Variants in PRRC2C observed in about 807,000 individuals in gnomAD.
PRRC2C encodes the protein proline rich coiled-coil 2C, also known as protein PRRC2C.
In PRRC2C, 72 loss-of-function variants were observed where a neutral mutation model predicts 317.2. The ratio of observed to expected loss-of-function variants is 0.23; its 90% CI spans 0.19 to 0.28. The LOEUF (loss-of-function observed/expected upper bound fraction) is 0.28. PRRC2C is among the 10% of genes least tolerant of loss of function. The pLI is 1.00. For missense variants in PRRC2C, 3,074 were observed against 3,459.7 expected, an observed-to-expected ratio of 0.89 and a Z score of 2.80; for synonymous variants, 1,296 against 1,205.9, an observed-to-expected ratio of 1.07 and a Z score of -1.55.
intron 33 of PRRC2C, 55 bp from the exon 34 acceptor site, chr1:171,589,314 T>TG (rs1284063086): frequency 1.4e-5 from 10 of 697,470 alleles, no homozygotes; most frequent in African/African-American, 1.9e-5. Context: ...GGCAGTTTTT[T>TG]TTTTTTTTTT....
In PRRC2C at chr1:171,559,374, C is replaced by T. The variant is rs1410629374; in HGVS notation, c.6031+1231C>T. Among the ~76,000 whole-genome samples the T allele has an allele frequency of 2.6e-5, 4 of 152,060 alleles. No homozygotes were observed. The East Asian group carries it at 7.7e-4, about 29-fold the overall frequency. ...TGTATCTGATGACTTGAAGCTGAAG[C>T]CCCTGCTCATTTACCATGTTTGAAA... On this transcript the variant is annotated intron_variant, in intron 19 of 34. Transcript: ENST00000647382.
chr1:171,543,288 A>G (rs1678358259), intron 16 of PRRC2C, among the ~76,000 whole-genome samples: 1 of 150,854 alleles, frequency 6.6e-6, no homozygotes. Flanking sequence ...GTGCCACTGC[A>G]TTCCAGCCTG....
intron 1 of PRRC2C, among the ~76,000 whole-genome samples, chr1:171,507,798 A>T (rs185826666): frequency 1.3e-5 from 2 of 152,180 alleles, no homozygotes; most frequent in East Asian, 3.9e-4. Context: ...AATGTGGGCT[A>T]TCTTTCTATT....
At chr1:171,546,795 G>A (rs1679197890) in intron 17 of PRRC2C, among the ~76,000 whole-genome samples, 1 of 151,206 alleles carries the variant, frequency 6.6e-6, no homozygotes, top group Admixed American at 6.6e-5. Context: ...TATTATTTTT[G>A]TTTGTAGAAA....
intron 5 of PRRC2C, 80 bp downstream of exon 5, chr1:171,515,939 C>T: frequency 4.9e-6 from 7 of 1,427,584 alleles, no homozygotes; most frequent in South Asian, 1.6e-5. Context: ...CTTGCTGTTG[C>T]ATATATTATT....
chr1:171,491,240 A>G (rs1035182345), intron 1 of PRRC2C, among the ~76,000 whole-genome samples: 2 of 152,228 alleles, frequency 1.3e-5, no homozygotes, highest in African/African-American at 4.8e-5. Flanking sequence ...GTATCTAGAT[A>G]AGTTAATAAT....
chr1:171,557,671 T>G lies in PRRC2C; in HGVS notation c.5559T>G (p.Ala1853=). 4 of 1,551,308 alleles carry G rather than the reference T, an allele frequency of 2.6e-6. No homozygotes were observed. Among genetic ancestry groups the G allele is most frequent in the Non-Finnish European group, 3.5e-6 (4 of 1,146,882 alleles). ...TPILASVSTP[A]SVTILASASI... The stretch of plus-strand genomic sequence containing the variant: ...TCCTTGCCTCAGTTTCAACCCCAGC[T>G]TCTGTCACCATTCTTGCCTCAGCCT... Residue 1853 remains alanine, a synonymous_variant, in exon 19 of 35, where the codon GCT becomes GCG. Coordinates refer to ENST00000647382, the MANE Select transcript of PRRC2C (RefSeq NM_001387844.1).
intron 19 of PRRC2C, among the ~76,000 whole-genome samples, chr1:171,559,833 T>A (rs562418152): frequency 6.6e-6 from 1 of 152,132 alleles, no homozygotes; most frequent in Non-Finnish European, 1.5e-5. Flanking sequence ...TACCTATTAT[T>A]TTTAAGCCCA....
chr1:171,551,256 A>T (rs1353863544), intron 18 of PRRC2C, among the ~76,000 whole-genome samples: 1 of 152,152 alleles, frequency 6.6e-6, no homozygotes, highest in Non-Finnish European at 1.5e-5. Context: ...GGCTGCGTAT[A>T]TGTCTTCTTT....
chr1:171,512,225 T>C lies in PRRC2C; in HGVS notation c.112+25T>C, dbSNP rs375466431. 790 of 1,443,526 alleles carry C rather than the reference T, an allele frequency of 5.5e-4. 1 individual carries two copies. Among genetic ancestry groups the C allele is most frequent in the Non-Finnish European group, 6.6e-4 (696 of 1,049,008 alleles). 89.4% of individuals were successfully genotyped at this position (1,443,526 alleles called of 1,614,324 possible). On this transcript the variant is annotated intron_variant, in intron 2 of 34. Transcript: ENST00000647382. ...GGTGAGTAAAATCAAGTGACACTTA[T>C]GTTTTTCATGGTTTGTTTTGTTACT...
chr1:171,545,448 A>C, intron 16 of PRRC2C, 31 bp from the exon 17 acceptor site: 1 of 1,534,168 alleles, frequency 6.5e-7, no homozygotes, highest in East Asian at 2.5e-5. Flanking sequence ...GGTAGGTGGA[A>C]ATAGTAATAT....
intron 16 of PRRC2C, among the ~76,000 whole-genome samples, chr1:171,542,923 G>T (rs985682119): frequency 1.3e-5 from 2 of 151,718 alleles, no homozygotes; most frequent in Non-Finnish European, 2.9e-5. Flanking sequence ...ACCATGCCTG[G>T]TTAATTTTTT....
intron 4 of PRRC2C, 74 bp from the exon 5 acceptor site, chr1:171,515,660 C>G (rs900719784): frequency 7.3e-6 from 9 of 1,231,504 alleles, no homozygotes; most frequent in Non-Finnish European, 9.9e-6. Context: ...GCAGAGAGCT[C>G]TATCCTGGGA....
chr1:171,513,781 T>C (rs1245410614), intron 3 of PRRC2C, among the ~76,000 whole-genome samples: 2 of 152,224 alleles, frequency 1.3e-5, no homozygotes, highest in Non-Finnish European at 2.9e-5. Flanking sequence ...TTTTCTTGCC[T>C]ATCTCTTATC....
At chr1:171,575,206 T>G in intron 25 of PRRC2C, 78 bp downstream of exon 25, 1 of 1,324,198 alleles carries the variant, frequency 7.6e-7, no homozygotes, top group Non-Finnish European at 1.0e-6. Context: ...GTTTACTATC[T>G]CTAGCCCTCC....
intron 1 of PRRC2C, among the ~76,000 whole-genome samples, chr1:171,509,125 T>C (rs893134229): frequency 1.3e-5 from 2 of 152,176 alleles, no homozygotes; most frequent in African/African-American, 4.8e-5. Flanking sequence ...GACCTCACGA[T>C]CCACCTGCCT....
chr1:171,549,370 A>G (rs774011776), intron 17 of PRRC2C, among the ~76,000 whole-genome samples: 1 of 152,172 alleles, frequency 6.6e-6, no homozygotes, highest in Non-Finnish European at 1.5e-5. Context: ...GAGAAATAAT[A>G]GTAACAGCCA....
At chr1:171,491,516 A>G (rs1248239664) in intron 1 of PRRC2C, among the ~76,000 whole-genome samples, 1 of 152,214 alleles carries the variant, frequency 6.6e-6, no homozygotes, top group Non-Finnish European at 1.5e-5. Context: ...TAAAGGCCCT[A>G]TGGAGAGCAA....
At chr1:171,572,204 G>A (rs1453359268) in intron 24 of PRRC2C, among the ~76,000 whole-genome samples, 3 of 151,990 alleles carry the variant, frequency 2.0e-5, no homozygotes, top group African/African-American at 7.2e-5. Flanking sequence ...TGCCCAGGTT[G>A]GTTTTGAACT....
Sources: gnomAD v4.1 joint callset for allele counts (sites outside exome capture counted in the v4.1 genomes callset) on GRCh38, gnomAD v4.1.1 for gene constraint, MANE v1.5 for transcripts, NCBI Gene and HGNC (gene_info 2026-07-23, HGNC 2026-07-21) for gene names.